The following CADM2 variants were observed in gnomAD, a reference collection of about 807,000 sequenced individuals.
CADM2 encodes the protein immunoglobulin superfamily member 4D.
A neutral mutation model predicts 49.8 loss-of-function variants in CADM2; 12 were observed. That is an observed-to-expected ratio of 0.24 (90% CI 0.15 to 0.39). The LOEUF (loss-of-function observed/expected upper bound fraction) is 0.39. CADM2 is among the 10% of genes least tolerant of loss of function. The pLI, the probability that CADM2 is intolerant of heterozygous loss-of-function variation, is 1.00. For missense variants in CADM2, 378 were observed against 492.3 expected, an observed-to-expected ratio of 0.77 and a Z score of 2.20; for synonymous variants, 214 against 175.4, an observed-to-expected ratio of 1.22 and a Z score of -1.74.
intron 1 of CADM2, among the ~76,000 whole-genome samples, chr3:85,306,278 T>A (rs2044210497): frequency 6.6e-6 from 1 of 151,688 alleles, no homozygotes; most frequent in African/African-American, 2.4e-5. Context: ...ATATATGTTT[T>A]TAAATTGCAA....
At chr3:85,922,703 A>G (rs1228663190) in intron 6 of CADM2, among the ~76,000 whole-genome samples, 1 of 152,166 alleles carries the variant, frequency 6.6e-6, no homozygotes. Flanking sequence ...TACTTTAGAA[A>G]CACTTTGATG....
At chr3:85,940,106 G>T (rs1449261537) in intron 7 of CADM2, among the ~76,000 whole-genome samples, 5 of 142,462 alleles carry the variant, frequency 3.5e-5, no homozygotes, top group African/African-American at 1.3e-4. Flanking sequence ...ATCATCTGAG[G>T]TCAGGAGTTC....
chr3:85,405,639 T>A (rs1260581781), intron 1 of CADM2, among the ~76,000 whole-genome samples: 1 of 152,116 alleles, frequency 6.6e-6, no homozygotes, highest in Non-Finnish European at 1.5e-5. Context: ...AAGATGAAAG[T>A]AGCGTTCCTA....
intron 1 of CADM2, among the ~76,000 whole-genome samples, chr3:85,252,826 A>ACTAACC (rs2042804500): frequency 6.7e-6 from 1 of 149,992 alleles, no homozygotes. Flanking sequence ...AACCGTGGTC[A>ACTAACC]GTAGTCCTTG....
At position 85,680,981 on chromosome 3, in the gene CADM2, C is replaced by A. The variant is rs138691509; in HGVS notation, c.62-45541C>A. Among the ~76,000 whole-genome samples, 865 of 152,202 alleles carry A rather than the reference C, an allele frequency of 5.7e-3. 25 individuals are homozygous for A. Among genetic ancestry groups the A allele is most frequent in the Admixed American group, 0.048 (737 of 15,286 alleles). On this transcript the variant is annotated intron_variant, in intron 1 of 9. Coordinates refer to ENST00000383699, the MANE Select transcript of CADM2 (RefSeq NM_001167675.2). ...AATATATGAAAAATTCATGGTCCTT[C>A]ATTGGCATGCATACTGTTCTTTGAT... is the stretch of plus-strand genomic sequence containing the variant.
chr3:85,504,888 C>T (rs1037653648), intron 1 of CADM2, among the ~76,000 whole-genome samples: 5 of 152,142 alleles, frequency 3.3e-5, no homozygotes, highest in Non-Finnish European at 4.4e-5. Flanking sequence ...TGCTGGGGGA[C>T]CCAGTACACC....
At chr3:85,566,432 A>G (rs549114252) in intron 1 of CADM2, among the ~76,000 whole-genome samples, 1 of 152,108 alleles carries the variant, frequency 6.6e-6, no homozygotes, top group East Asian at 1.9e-4. Flanking sequence ...AACCTACATA[A>G]CACATTACTC....
At chr3:85,086,787 G>A (rs888556053) in intron 1 of CADM2, among the ~76,000 whole-genome samples, 1 of 152,068 alleles carries the variant, frequency 6.6e-6, no homozygotes, top group Non-Finnish European at 1.5e-5. Context: ...GGGATTACAG[G>A]TGTGAGCCAC....
chr3:85,554,058 C>T (rs971717400), intron 1 of CADM2, among the ~76,000 whole-genome samples: 3 of 149,508 alleles, frequency 2.0e-5, no homozygotes, highest in East Asian at 4.0e-4. Context: ...CGGTCCCCAA[C>T]GTTTTTGGCA....
chr3:85,767,773 G>A (rs2069730540), intron 2 of CADM2, among the ~76,000 whole-genome samples: 1 of 152,220 alleles, frequency 6.6e-6, no homozygotes, highest in Admixed American at 6.5e-5. Flanking sequence ...GTTACAGAAG[G>A]ACAATATGAT....
chr3:85,027,700 A>T (rs557701143), intron 1 of CADM2, among the ~76,000 whole-genome samples: 1 of 152,298 alleles, frequency 6.6e-6, no homozygotes, highest in East Asian at 1.9e-4. Flanking sequence ...TAAGCTAGAC[A>T]TTGTAAAAAG....
chr3:85,433,638 A>G (rs760923164), intron 1 of CADM2, among the ~76,000 whole-genome samples: 4 of 152,154 alleles, frequency 2.6e-5, no homozygotes, highest in Non-Finnish European at 5.9e-5. Flanking sequence ...CATTGTGAAG[A>G]TGAATTCTGA....
At chr3:85,641,459 A>G (rs981906240) in intron 1 of CADM2, among the ~76,000 whole-genome samples, 4 of 152,192 alleles carry the variant, frequency 2.6e-5, no homozygotes, top group African/African-American at 4.8e-5. Context: ...TTAAAATAAG[A>G]TTGAAATCAG....
intron 1 of CADM2, among the ~76,000 whole-genome samples, chr3:85,607,897 T>C (rs2063577371): frequency 6.6e-6 from 1 of 152,000 alleles, no homozygotes; most frequent in Admixed American, 6.6e-5. Context: ...CCTCGTGATC[T>C]GCTTGCCTTG....
At chr3:85,528,649 A>G (rs940869324) in intron 1 of CADM2, among the ~76,000 whole-genome samples, 1 of 152,226 alleles carries the variant, frequency 6.6e-6, no homozygotes, top group Non-Finnish European at 1.5e-5. Flanking sequence ...TGCAGATAAT[A>G]CTAATACTGT....
At chr3:86,030,063 A>G (rs1383592594) in intron 8 of CADM2, among the ~76,000 whole-genome samples, 1 of 152,040 alleles carries the variant, frequency 6.6e-6, no homozygotes, top group African/African-American at 2.4e-5. Flanking sequence ...TCTTTAAAAA[A>G]GAAGGAAATT....
At chr3:85,623,006 G>A (rs2064021597) in intron 1 of CADM2, among the ~76,000 whole-genome samples, 1 of 152,022 alleles carries the variant, frequency 6.6e-6, no homozygotes, top group African/African-American at 2.4e-5. Context: ...AGAGGCCAAG[G>A]CAAATTATGT....
intron 1 of CADM2, among the ~76,000 whole-genome samples, chr3:85,275,967 A>T (rs77915588): frequency 0.055 from 8,308 of 151,144 alleles, 317 homozygotes; most frequent in East Asian, 0.14. Context: ...AAGAATTTAA[A>T]TTTTTTTGGT....
At chr3:85,199,863 A>G (rs1435773797) in intron 1 of CADM2, among the ~76,000 whole-genome samples, 1 of 152,070 alleles carries the variant, frequency 6.6e-6, no homozygotes, top group Admixed American at 6.6e-5. Context: ...TGACTCTGAA[A>G]GAATCAATGA....
Sources: gnomAD v4.1 joint callset for allele counts (sites outside exome capture counted in the v4.1 genomes callset) on GRCh38, gnomAD v4.1.1 for gene constraint, MANE v1.5 for transcripts, NCBI Gene and HGNC (gene_info 2026-07-23, HGNC 2026-07-21) for gene names.